Variants in AMMECR1 observed in about 807,000 individuals in gnomAD.
The protein encoded by AMMECR1 is nuclear protein AMMECR1.
A neutral mutation model predicts 22.5 loss-of-function variants in AMMECR1; 3 were observed. That is an observed-to-expected ratio of 0.13 (90% CI 0.06 to 0.35). The LOEUF (loss-of-function observed/expected upper bound fraction) is 0.35. AMMECR1 is among the 10% of genes least tolerant of loss of function. The pLI, the probability that AMMECR1 is intolerant of heterozygous loss-of-function variation, is 1.00. For missense variants in AMMECR1, 235 were observed against 278.7 expected (o/e 0.84, Z 1.12); for synonymous variants, 130 against 116.7 (o/e 1.11, Z -0.74).
intron 3 of AMMECR1, among the ~76,000 whole-genome samples, chrX:110,208,598 C>T (rs1015803849): frequency 3.6e-5 from 4 of 112,061 alleles, no homozygotes; most frequent in African/African-American, 1.3e-4. Context: ...AGCCACTGAA[C>T]AACGATCTGG....
intron 2 of AMMECR1, among the ~76,000 whole-genome samples, chrX:110,239,884 G>A (rs2067621719): frequency 8.9e-6 from 1 of 112,014 alleles, no homozygotes; most frequent in Non-Finnish European, 1.9e-5. Flanking sequence ...CCAGAAGAGA[G>A]TGGGGGCCAA....
At chrX:110,378,670 T>C (rs2068396327) in intron 2 of AMMECR1, among the ~76,000 whole-genome samples, 2 of 112,223 alleles carry the variant, frequency 1.8e-5, no homozygotes, top group Admixed American at 1.9e-4. Flanking sequence ...TTCTTTCACC[T>C]GGAATTAACT....
chrX:110,327,120 T>G (rs1459233022), intron 2 of AMMECR1, among the ~76,000 whole-genome samples: 1 of 111,943 alleles, frequency 8.9e-6, no homozygotes, highest in African/African-American at 3.2e-5. Context: ...CAAATAGAGA[T>G]ATGAAATAGG....
intron 2 of AMMECR1, among the ~76,000 whole-genome samples, chrX:110,222,519 T>C (rs765932055): frequency 5.3e-4 from 49 of 92,016 alleles, no homozygotes; most frequent in African/African-American, 1.6e-3. Flanking sequence ...GTGGGTGCAG[T>C]GCACCAGCAT....
chrX:110,219,667 A>G (rs926626472), intron 2 of AMMECR1: 23 of 653,334 alleles, frequency 3.5e-5, no homozygotes, highest in Non-Finnish European at 4.2e-5. Context: ...AAATGCTAGA[A>G]CAATGAATGG....
Position 110,431,000 on chromosome X carries a change from C to T in AMMECR1, c.-293-4197G>A, listed in dbSNP as rs140404134. 5.8e-3 allele frequency among the ~76,000 whole-genome samples: 654 copies of T among 111,970 alleles called. 4 individuals are homozygous for T. Among genetic ancestry groups the T allele is most frequent in the African/African-American group, 0.02 (627 of 30,759 alleles). On this transcript the variant is annotated intron_variant, in intron 1 of 7. Coordinates refer to the AMMECR1 transcript ENST00000372057. ...CTCCCTGAGAAAAGGAATGAAGAAA[C>T]TTGGATTTTGCCTTCATAGGCCCTG...
intron 2 of AMMECR1, among the ~76,000 whole-genome samples, chrX:110,240,943 C>T (rs1602816422): frequency 8.9e-6 from 1 of 112,001 alleles, no homozygotes; most frequent in Non-Finnish European, 1.9e-5. Flanking sequence ...CATACAACTA[C>T]ATGGAAACTG....
At position 110,224,617 on chromosome X, in the gene AMMECR1, G is replaced by C. The variant is rs1332660794; in HGVS notation, c.585-7985C>G. ...GAGTTTCCATTATACTGCAGGCAGG[G>C]ATTCATATGCTGCTTTGAAACAGTT... On this transcript the variant is annotated intron_variant, in intron 2 of 5. Coordinates refer to ENST00000262844, the MANE Select transcript of AMMECR1 (RefSeq NM_015365.3). 2.7e-5 allele frequency among the ~76,000 whole-genome samples: 3 copies of C among 111,466 alleles called. No individual in the cohort carries two copies. In the East Asian group the frequency reaches 8.4e-4, roughly 31 times the overall value.
chrX:110,413,447 CCTT>C lies in AMMECR1; in HGVS notation c.-148+13208_-148+13210del, dbSNP rs1323449064. On this transcript the variant is annotated intron_variant, in intron 2 of 7. Transcript: ENST00000372057. Reference sequence around the variant, plus strand: ...CCTCCGTCCTCAGCCAAGAACTCCTCCTTCTCATGCCATCTGGCTACTTCTCTC... The same window carrying C: ...CCTCCGTCCTCAGCCAAGAACTCCTCCTCATGCCATCTGGCTACTTCTCTC... Among the ~76,000 whole-genome samples the C allele has an allele frequency of 4.0e-4, 44 of 110,599 alleles. No homozygotes were observed. In the East Asian group the frequency reaches 6.6e-3, roughly 17 times the overall value.
At chrX:110,321,143 C>T (rs775255397), upstream of AMMECR1, among the ~76,000 whole-genome samples, 1 of 111,847 alleles carries the variant, frequency 8.9e-6, no homozygotes, top group African/African-American at 3.2e-5. Context: ...AATTTTTTTA[C>T]ATCTATGCAA....
chrX:110,354,127 CA>C (rs1292575957), intron 2 of AMMECR1, among the ~76,000 whole-genome samples: 2 of 111,798 alleles, frequency 1.8e-5, no homozygotes, highest in African/African-American at 6.5e-5. Flanking sequence ...AAATTCCTGT[CA>C]AAATTCCAGT....
At chrX:110,352,151 TTGTC>T (rs1209958324) in intron 2 of AMMECR1, among the ~76,000 whole-genome samples, 3 of 112,070 alleles carry the variant, frequency 2.7e-5, no homozygotes, top group African/African-American at 9.7e-5. Flanking sequence ...CTGTGGAAGA[TTGTC>T]TGGCATTTTC....
chrX:110,234,200 C>A (rs752929890), intron 2 of AMMECR1, among the ~76,000 whole-genome samples: 1 of 111,261 alleles, frequency 9.0e-6, no homozygotes, highest in East Asian at 2.8e-4. Context: ...AAACAGAGAG[C>A]CAAATCATGA....
intron 2 of AMMECR1, among the ~76,000 whole-genome samples, chrX:110,347,212 A>G (rs1318112574): frequency 8.8e-6 from 1 of 113,481 alleles, no homozygotes; most frequent in African/African-American, 3.2e-5. Context: ...CTGCCACTGA[A>G]TCTTACTATT....
intron 2 of AMMECR1, among the ~76,000 whole-genome samples, chrX:110,376,345 AAGC>A (rs1262330582): frequency 9.0e-6 from 1 of 110,870 alleles, no homozygotes; most frequent in Admixed American, 9.6e-5. Context: ...GGTAGTTTGC[AAGC>A]AGAAGTTAGC....
At chrX:110,236,925 C>T (rs1181577023) in intron 2 of AMMECR1, among the ~76,000 whole-genome samples, 1 of 111,492 alleles carries the variant, frequency 9.0e-6, no homozygotes, top group Admixed American at 9.6e-5. Flanking sequence ...ATTTTTCTAT[C>T]TAAAACTCAT....
At chrX:110,235,441 G>C (rs964070700) in intron 2 of AMMECR1, among the ~76,000 whole-genome samples, 1 of 112,453 alleles carries the variant, frequency 8.9e-6, no homozygotes, top group African/African-American at 3.2e-5. Flanking sequence ...CAAGGATCTA[G>C]AACTAGAATT....
At chrX:110,381,454 A>C (rs954080768) in intron 2 of AMMECR1, among the ~76,000 whole-genome samples, 1 of 111,814 alleles carries the variant, frequency 8.9e-6, no homozygotes, top group Non-Finnish European at 1.9e-5. Context: ...GTGAAAAGGG[A>C]ATGTGTATAC....
chrX:110,278,637 A>G (rs1199811151), intron 1 of AMMECR1, among the ~76,000 whole-genome samples: 1 of 112,101 alleles, frequency 8.9e-6, no homozygotes, highest in East Asian at 2.8e-4. Flanking sequence ...GGAAGATAAG[A>G]AAGAACACAG....
Sources: gnomAD v4.1 joint callset for allele counts (sites outside exome capture counted in the v4.1 genomes callset) on GRCh38, gnomAD v4.1.1 for gene constraint, MANE v1.5 for transcripts, NCBI Gene and HGNC (gene_info 2026-07-23, HGNC 2026-07-21) for gene names.